The following INTU variants were observed in gnomAD, a reference collection of about 807,000 sequenced individuals.
The protein encoded by INTU is protein inturned.
In INTU, 68 loss-of-function variants were observed where a neutral mutation model predicts 100.5. That is an observed-to-expected ratio of 0.68 (90% confidence interval 0.56 to 0.83). INTU has a LOEUF of 0.83. Among genes scored for constraint, INTU ranks in the 40% least tolerant of loss-of-function variants. INTU has a pLI of 0.00. For synonymous variants in INTU, 357 were observed against 395.7 expected, an observed-to-expected ratio of 0.90 and a Z score of 1.16; for missense variants, 1,071 against 1,114.7, an observed-to-expected ratio of 0.96 and a Z score of 0.56.
In INTU at chr4:127,649,492, G is replaced by T. The variant is rs140776844; in HGVS notation, c.682+5436G>T. On this transcript the variant is annotated intron_variant, in intron 2 of 15. Transcript: ENST00000335251. ...AGTACTCCTTCTTCAAAATACCTGG[G>T]ACCAGAAGTGCTTCCAATTTTTTTT... is the stretch of plus-strand genomic sequence containing the variant. Among the ~76,000 whole-genome samples, 942 of 151,906 alleles carry T rather than the reference G, an allele frequency of 6.2e-3. 2 individuals are homozygous for T. The highest frequency in any genetic ancestry group is 0.011 in the Non-Finnish European group (715 of 67,978).
intron 6 of INTU, among the ~76,000 whole-genome samples, chr4:127,676,463 G>C (rs1007028936): frequency 6.6e-6 from 1 of 151,976 alleles, no homozygotes; most frequent in Non-Finnish European, 1.5e-5. Flanking sequence ...GCATGCACCT[G>C]TAGTTCCAGC....
chr4:127,705,118 TAAATA>T (rs1318702415), intron 10 of INTU, among the ~76,000 whole-genome samples: 25 of 152,106 alleles, frequency 1.6e-4, no homozygotes, highest in Non-Finnish European at 7.4e-5. Flanking sequence ...CTACATCTTT[TAAATA>T]AATCTTATAT....
rs1485571018 is a variant in INTU, at chr4:127,717,930, T to C, written c.*1494T>C. 4 of 152,240 alleles carry C rather than the reference T, an allele frequency of 2.6e-5. No individual in the cohort carries two copies. The highest frequency in any genetic ancestry group is 5.9e-5 in the Non-Finnish European group (4 of 68,050). 9.4% of individuals were successfully genotyped at this position (152,240 alleles called of 1,614,324 possible). On this transcript the variant is annotated 3_prime_UTR_variant, in exon 16 of 16. Coordinates refer to ENST00000335251, the MANE Select transcript of INTU (RefSeq NM_015693.4). ...AGATTGCCAAAATTTTCTCCCACTC[T>C]GTAGGTTGCCTGTTCACTCTGATGA...
intron 1 of INTU, among the ~76,000 whole-genome samples, chr4:127,637,257 C>T (rs1468131880): frequency 6.6e-6 from 1 of 152,168 alleles, no homozygotes; most frequent in African/African-American, 2.4e-5. Flanking sequence ...TCTTCCATAC[C>T]ACTGCCAGTT....
chr4:127,705,736 T>C lies in INTU; in HGVS notation c.1712T>C (p.Leu571Pro). 1.9e-6 allele frequency: 3 copies of C among 1,614,096 alleles called. No homozygotes were observed. The highest frequency in any genetic ancestry group is 2.5e-6 in the Non-Finnish European group (3 of 1,179,966). The change falls in exon 11 of 16, where the codon CTC becomes CCC. Residue 571 changes from leucine to proline, a missense_variant. Coordinates refer to ENST00000335251, the MANE Select transcript of INTU (RefSeq NM_015693.4). Reference protein sequence around the residue: ...IWREVFPQHHLRPLADSSTEV... With the variant: ...IWREVFPQHHPRPLADSSTEV... ...AGAGAAGTGTTTCCTCAGCATCACC[T>C]CCGACCTTTGGCAGACTCAAGCACT... is the stretch of plus-strand genomic sequence containing the variant.
chr4:127,633,453 G>C (rs1236974941), intron 1 of INTU, among the ~76,000 whole-genome samples: 1 of 152,004 alleles, frequency 6.6e-6, no homozygotes, highest in Non-Finnish European at 1.5e-5. Flanking sequence ...TTGGTCATGG[G>C]CTCTGTCTAG....
intron 8 of INTU, among the ~76,000 whole-genome samples, chr4:127,697,533 G>T (rs895988732): frequency 3.3e-5 from 5 of 151,804 alleles, no homozygotes; most frequent in African/African-American, 1.2e-4. Flanking sequence ...GCTTTTTTAG[G>T]TTCCACATAT....
intron 1 of INTU, among the ~76,000 whole-genome samples, chr4:127,634,383 A>G (rs1184389943): frequency 6.6e-6 from 1 of 152,210 alleles, no homozygotes; most frequent in Non-Finnish European, 1.5e-5. Flanking sequence ...AGAGTCGCAT[A>G]CTTTTAGCCC....
At chr4:127,676,842 T>A (rs187046566) in intron 6 of INTU, among the ~76,000 whole-genome samples, 333 of 152,178 alleles carry the variant, frequency 2.2e-3, no homozygotes, top group Non-Finnish European at 4.1e-3. Flanking sequence ...TTCCCTTTCC[T>A]AGTCAAAGAA....
At chr4:127,653,414 A>G (rs1428419074) in intron 2 of INTU, among the ~76,000 whole-genome samples, 6 of 143,782 alleles carry the variant, frequency 4.2e-5, no homozygotes, top group Admixed American at 6.9e-5. Flanking sequence ...AGATTCTGGT[A>G]TGTTGTGTCT....
chr4:127,714,731 C>T lies in INTU; in HGVS notation c.2717+638C>T, dbSNP rs79933970. ...TTATTGTTTATTTTCTTGTCCTTCT[C>T]CACCCCCCACCCTCATTACAATATC... On this transcript the variant is annotated intron_variant, in intron 15 of 15. Transcript: ENST00000335251. Among the ~76,000 whole-genome samples, 823 of 152,108 alleles carry T rather than the reference C, an allele frequency of 5.4e-3. 6 individuals are homozygous for T. Among genetic ancestry groups the T allele is most frequent in the Middle Eastern group, 0.02 (6 of 294 alleles).
At chr4:127,697,854 C>T (rs984049678) in intron 8 of INTU, among the ~76,000 whole-genome samples, 1 of 152,118 alleles carries the variant, frequency 6.6e-6, no homozygotes, top group Non-Finnish European at 1.5e-5. Flanking sequence ...GGCATGGTGG[C>T]TTATGCCTGT....
intron 3 of INTU, among the ~76,000 whole-genome samples, chr4:127,658,073 T>A (rs933577411): frequency 2.0e-5 from 3 of 152,116 alleles, no homozygotes; most frequent in African/African-American, 7.2e-5. Flanking sequence ...AATCAGAATC[T>A]CAGCTGCATC....
In INTU at chr4:127,722,311, C is replaced by A. The variant is rs980148864; in HGVS notation, c.*5875C>A. 3 of 152,484 alleles carry A rather than the reference C, an allele frequency of 2.0e-5. No homozygotes were observed. Among genetic ancestry groups the A allele is most frequent in the African/African-American group, 7.2e-5 (3 of 41,464 alleles). The allele number at this position is 152,484 out of a possible 1,614,324, so 9.4% of individuals were successfully genotyped here. A position where few individuals can be genotyped will look rare whatever the true frequency, so the allele number is the denominator to read the frequency against. On this transcript the variant is annotated 3_prime_UTR_variant, in exon 16 of 16. Coordinates refer to ENST00000335251, the MANE Select transcript of INTU (RefSeq NM_015693.4). ...GGAGGCTGCAGACCAGCAAAGATGG[C>A]AGCCTGCTCCTTCCTCTGGGAGCTC...
intron 8 of INTU, among the ~76,000 whole-genome samples, chr4:127,693,120 A>G (rs894434241): frequency 2.0e-5 from 3 of 152,044 alleles, no homozygotes; most frequent in Non-Finnish European, 2.9e-5. Context: ...GTGAAGAATG[A>G]TGGTGGTATT....
intron 3 of INTU, among the ~76,000 whole-genome samples, chr4:127,662,977 T>A (rs144896800): frequency 6.6e-6 from 1 of 152,320 alleles, no homozygotes; most frequent in East Asian, 1.9e-4. Context: ...AATGTCTTCC[T>A]TCTATCTTCC....
At chr4:127,637,940 T>G (rs951224525) in intron 1 of INTU, among the ~76,000 whole-genome samples, 1 of 152,168 alleles carries the variant, frequency 6.6e-6, no homozygotes, top group African/African-American at 2.4e-5. Flanking sequence ...TTGCCTTCTT[T>G]GACATGCTTA....
chr4:127,650,844 A>T (rs576824377), intron 2 of INTU, among the ~76,000 whole-genome samples: 1 of 152,088 alleles, frequency 6.6e-6, no homozygotes, highest in Non-Finnish European at 1.5e-5. Context: ...CCAACAGTGT[A>T]AAAGTGTTCC....
intron 4 of INTU, among the ~76,000 whole-genome samples, chr4:127,666,169 C>G (rs1247805525): frequency 1.3e-5 from 2 of 152,036 alleles, no homozygotes; most frequent in Non-Finnish European, 2.9e-5. Context: ...CTGAATAGTG[C>G]TTAATCAACA....
Sources: allele counts gnomAD v4.1 joint callset (sites outside exome capture counted in the v4.1 genomes callset), GRCh38; gene constraint gnomAD v4.1.1; transcripts MANE v1.5; gene names NCBI Gene and HGNC (gene_info 2026-07-23, HGNC 2026-07-21).